Variants in SLC9A7 observed in about 807,000 individuals in gnomAD.
The protein encoded by SLC9A7 is solute carrier family 9 member A7.
Under a neutral mutation model 52.6 loss-of-function variants are expected in SLC9A7, and 19 were observed. That is an observed-to-expected ratio of 0.36 (90% CI 0.25 to 0.53). SLC9A7 has a LOEUF of 0.53. SLC9A7 is among the 20% of genes least tolerant of loss of function. SLC9A7 has a pLI of 0.91. For missense variants in SLC9A7, 455 were observed against 597.9 expected, an observed-to-expected ratio of 0.76 and a Z score of 2.49; for synonymous variants, 226 against 252.1, an observed-to-expected ratio of 0.90 and a Z score of 0.98.
At chrX:46,689,155 A>G (rs1041428208) in intron 1 of SLC9A7, among the ~76,000 whole-genome samples, 1 of 111,861 alleles carries the variant, frequency 8.9e-6, no homozygotes, top group Non-Finnish European at 1.9e-5. Context: ...TGATACCTTC[A>G]TCCTACATAT....
At chrX:46,629,298 G>T (rs779961710) in intron 14 of SLC9A7, among the ~76,000 whole-genome samples, 16 of 112,102 alleles carry the variant, frequency 1.4e-4, no homozygotes, top group African/African-American at 5.2e-4. Context: ...ATCCATCCAG[G>T]CCCATCCAGG....
intron 13 of SLC9A7, among the ~76,000 whole-genome samples, chrX:46,634,124 T>A (rs778489609): frequency 1.1e-4 from 12 of 112,163 alleles, no homozygotes; most frequent in Non-Finnish European, 2.3e-4. Context: ...GGAACTTTTT[T>A]ATGCTGTTTT....
intron 1 of SLC9A7, among the ~76,000 whole-genome samples, chrX:46,715,434 T>C (rs1460669701): frequency 8.9e-6 from 1 of 111,833 alleles, no homozygotes; most frequent in Non-Finnish European, 1.9e-5. Context: ...AATGGCTCAG[T>C]TACAGTTAGT....
At chrX:46,716,616 G>A (rs1359247797) in intron 1 of SLC9A7, among the ~76,000 whole-genome samples, 3 of 111,313 alleles carry the variant, frequency 2.7e-5, no homozygotes, top group Non-Finnish European at 3.8e-5. Flanking sequence ...CAGACTCTAT[G>A]GCTATCATAA....
At chrX:46,640,229 T>C (rs190938630) in intron 12 of SLC9A7, among the ~76,000 whole-genome samples, 4 of 112,178 alleles carry the variant, frequency 3.6e-5, no homozygotes, top group East Asian at 5.6e-4. Flanking sequence ...CATAAACCAA[T>C]AGAGCAGTGC....
intron 1 of SLC9A7, among the ~76,000 whole-genome samples, chrX:46,698,579 T>C (rs946927247): frequency 9.0e-5 from 10 of 111,553 alleles, no homozygotes; most frequent in Admixed American, 3.8e-4. Context: ...ATGGACTGGT[T>C]GTTCTCTCTC....
intron 14 of SLC9A7, among the ~76,000 whole-genome samples, chrX:46,626,974 A>G (rs1272395060): frequency 1.8e-5 from 2 of 111,601 alleles, no homozygotes; most frequent in African/African-American, 6.5e-5. Context: ...TTGTCATATC[A>G]TTGGGATAAT....
At chrX:46,744,164 C>G (rs1361518772) in intron 1 of SLC9A7, among the ~76,000 whole-genome samples, 1 of 112,396 alleles carries the variant, frequency 8.9e-6, no homozygotes, top group African/African-American at 3.2e-5. Flanking sequence ...TTCCAGGAAG[C>G]AGACAGAAGG....
intron 7 of SLC9A7, among the ~76,000 whole-genome samples, chrX:46,655,831 A>G (rs1193567400): frequency 1.8e-5 from 2 of 112,719 alleles, no homozygotes; most frequent in Non-Finnish European, 3.8e-5. Flanking sequence ...GTTTAGGTAA[A>G]CAAAGCAGCC....
intron 7 of SLC9A7, among the ~76,000 whole-genome samples, chrX:46,658,400 C>CA (rs1943746337): frequency 9.4e-6 from 1 of 106,275 alleles, no homozygotes; most frequent in Non-Finnish European, 1.9e-5. Context: ...AATAGAGACA[C>CA]AAAAAACCCT....
At chrX:46,707,857 A>G (rs1944627852) in intron 1 of SLC9A7, among the ~76,000 whole-genome samples, 1 of 112,165 alleles carries the variant, frequency 8.9e-6, no homozygotes. Context: ...CTCCTGTCTC[A>G]GCCTCCCAAG....
rs763176129 is a variant in SLC9A7 at position 46,671,271 on chromosome X, G to GT, written c.680+1279dup. Among the ~76,000 whole-genome samples the GT allele has an allele frequency of 9.9e-3, 1,092 of 109,873 alleles. 11 individuals are homozygous for GT. Among genetic ancestry groups the GT allele is most frequent in the African/African-American group, 0.035 (1,046 of 30,074 alleles). ...CAGTTTCTTAGACTTTGCTCATTTT[G>GT]TTTTTTTGAGACAGAGTCTCACTCT... On this transcript the variant is annotated intron_variant, in intron 4 of 16. Coordinates refer to ENST00000616978, the MANE Select transcript of SLC9A7 (RefSeq NM_001257291.2).
In SLC9A7 at chrX:46,606,621, G is replaced by A; in HGVS notation, c.*331C>T. On this transcript the variant is annotated 3_prime_UTR_variant, in exon 17 of 17. Transcript: ENST00000616978. The stretch of plus-strand genomic sequence containing the variant: ...CTCATGGGAGGAATCCCCCCACCCA[G>A]CACCTGCCTCGCCTTGTTCAGATAC... 1.1e-6 allele frequency: 1 copy of A among 914,702 alleles called. No individual in the cohort carries two copies. Among genetic ancestry groups the A allele is most frequent in the Non-Finnish European group, 1.4e-6 (1 of 739,467 alleles). 75.4% of individuals were successfully genotyped at this position (914,702 alleles called of 1,213,427 possible).
At chrX:46,614,015 T>G (rs1355501646) in intron 15 of SLC9A7, among the ~76,000 whole-genome samples, 1 of 111,857 alleles carries the variant, frequency 8.9e-6, no homozygotes, top group East Asian at 2.8e-4. Flanking sequence ...CCACAGCTTC[T>G]CTCCTAGACG....
chrX:46,639,619 T>C (rs905419587), intron 12 of SLC9A7, among the ~76,000 whole-genome samples: 7 of 109,598 alleles, frequency 6.4e-5, no homozygotes, highest in Non-Finnish European at 1.3e-4. Flanking sequence ...GATGAGGATG[T>C]CCATTTATAC....
chrX:46,644,126 A>G (rs1457624242), intron 11 of SLC9A7, among the ~76,000 whole-genome samples: 11 of 112,416 alleles, frequency 9.8e-5, no homozygotes, highest in Non-Finnish European at 1.9e-5. Flanking sequence ...TCTACATCAA[A>G]TAGAGTACAA....
intron 1 of SLC9A7, among the ~76,000 whole-genome samples, chrX:46,710,491 C>A (rs1285938548): frequency 9.0e-6 from 1 of 111,390 alleles, no homozygotes; most frequent in Non-Finnish European, 1.9e-5. Context: ...ACCAGATGAG[C>A]TGTTTGTATG....
Position 46,599,315 on chromosome X carries a change from G to GTAGT in SLC9A7, c.*7633_*7636dup, listed in dbSNP as rs1466397710. 1 of 111,760 alleles carries GTAGT rather than the reference G, an allele frequency of 8.9e-6. No individual in the cohort carries two copies. Among genetic ancestry groups the GTAGT allele is most frequent in the East Asian group, 2.8e-4 (1 of 3,591 alleles). 9.2% of individuals were successfully genotyped at this position (111,760 alleles called of 1,213,427 possible). On this transcript the variant is annotated 3_prime_UTR_variant, in exon 17 of 17. Transcript: ENST00000616978. ...GCTGGACTTGGTTCAGGAGCCAGCT[G>GTAGT]TAGTTTGCCAACCCCAGGCCTAAAG...
intron 7 of SLC9A7, among the ~76,000 whole-genome samples, chrX:46,655,801 G>T (rs1029206242): frequency 8.9e-6 from 1 of 112,493 alleles, no homozygotes; most frequent in African/African-American, 3.2e-5. Context: ...GGGGAGGGGC[G>T]CCCGCCATTG....
Sources: allele counts gnomAD v4.1 joint callset (sites outside exome capture counted in the v4.1 genomes callset), GRCh38; gene constraint gnomAD v4.1.1; transcripts MANE v1.5; gene names NCBI Gene and HGNC (gene_info 2026-07-23, HGNC 2026-07-21).